Variants in DNAJB2 observed in about 807,000 individuals in gnomAD.
DNAJB2 encodes dnaJ homolog subfamily B member 2.
DNAJB2 carries 19 observed loss-of-function variants against 33.3 expected under a neutral mutation model. The ratio of observed to expected loss-of-function variants is 0.57; its 90% CI spans 0.40 to 0.84. The LOEUF is 0.84. Ranked by LOEUF, DNAJB2 falls within the 40% of genes least tolerant of loss-of-function variation. DNAJB2 has a pLI of 0.00. For synonymous variants in DNAJB2, 172 were observed against 164.6 expected, an observed-to-expected ratio of 1.04 and a Z score of -0.34; for missense variants, 368 against 430.9, an observed-to-expected ratio of 0.85 and a Z score of 1.29.
intron 3 of DNAJB2, chr2:219,281,477 C>G: frequency 3.5e-6 from 2 of 571,854 alleles, no homozygotes; most frequent in South Asian, 4.3e-5. Flanking sequence ...TTGATCTGTG[C>G]AACAACCCTG....
In DNAJB2 at chr2:219,280,682, C is replaced by G. The variant is rs761058767; in HGVS notation, c.170C>G (p.Ser57Cys). 1.4e-5 allele frequency: 23 copies of G among 1,612,330 alleles called. No homozygotes were observed. The highest frequency in any genetic ancestry group is 1.9e-5 in the Non-Finnish European group (22 of 1,178,604). The change falls in exon 3 of 9, where the codon TCT (serine) becomes TGT (cysteine). Residue 57 changes from serine (S) to cysteine (C), a missense_variant. By Grantham distance (112) the Ser-to-Cys change is moderately radical (BLOSUM62 -1). Transcript: ENST00000336576. ...GTGGCCGAGGCATATGAAGTGCTGTCTGACAGTAAGGGCCGGGGTCAGGCA... is the reference window on the plus strand; with the variant it reads ...GTGGCCGAGGCATATGAAGTGCTGTGTGACAGTAAGGGCCGGGGTCAGGCA... ...KEVAEAYEVL[S>C]DKHKREIYDR...
chr2:219,283,247 T>A lies in DNAJB2; in HGVS notation c.548+12T>A. The A allele has an allele frequency of 6.2e-7, 1 of 1,614,162 alleles. No homozygotes were observed. The highest frequency in any genetic ancestry group is 8.5e-7 in the Non-Finnish European group (1 of 1,179,980). ...ATCACCACACGCAGGTGAGAGCTCCTTCTGGGGCCATAGAGGGGTGAGAGG... is the reference window on the plus strand; with the variant it reads ...ATCACCACACGCAGGTGAGAGCTCCATCTGGGGCCATAGAGGGGTGAGAGG... On this transcript the variant is annotated intron_variant, in intron 7 of 8. Coordinates refer to ENST00000336576, the MANE Select transcript of DNAJB2 (RefSeq NM_006736.6).
chr2:219,282,562 C>A, intron 5 of DNAJB2: 1 of 401,246 alleles, frequency 2.5e-6, no homozygotes, highest in Non-Finnish European at 4.4e-6. Context: ...TGCCTGTCAT[C>A]GCGTCATGAT....
At position 219,285,765 on chromosome 2, in the gene DNAJB2, G is replaced by T; in HGVS notation, c.*778G>T. 7.5e-7 allele frequency: 1 copy of T among 1,337,838 alleles called. No homozygotes were observed. The highest frequency in any genetic ancestry group is 9.6e-7 in the Non-Finnish European group (1 of 1,039,472). 82.9% of individuals were successfully genotyped at this position (1,337,838 alleles called of 1,614,324 possible). ...TGCCTCAGCCTGCCCTCACCCTCAG[G>T]ACTAGGCAGAGGTGAGGCTGGCTCA... is the stretch of plus-strand genomic sequence containing the variant. On this transcript the variant is annotated 3_prime_UTR_variant, in exon 9 of 9. Coordinates refer to ENST00000336576, the MANE Select transcript of DNAJB2 (RefSeq NM_006736.6).
intron 5 of DNAJB2, chr2:219,282,423 A>C: frequency 5.7e-6 from 2 of 353,920 alleles, no homozygotes; most frequent in East Asian, 6.1e-5. Flanking sequence ...AATATTTTAC[A>C]TTTCGTAAGT....
chr2:219,285,980 TC>T lies in DNAJB2; in HGVS notation c.*997del. The T allele has an allele frequency of 6.2e-7, 1 of 1,612,498 alleles. No homozygotes were observed. ...CTCCTGTCACCCCGCCCCTGCTCTC[TC>T]CCCAGATGTGTTCTGAGCTGGATGC... On this transcript the variant is annotated 3_prime_UTR_variant, in exon 9 of 9. Coordinates refer to ENST00000336576, the MANE Select transcript of DNAJB2 (RefSeq NM_006736.6).
chr2:219,283,480 A>G lies in DNAJB2; in HGVS notation c.610A>G (p.Thr204Ala). The G allele has an allele frequency of 1.2e-6, 2 of 1,613,894 alleles. No homozygotes were observed. The highest frequency in any genetic ancestry group is 1.7e-6 in the Non-Finnish European group (2 of 1,179,900). ...GGAGGATGGGCAGCTGAAGTCAGTC[A>G]CAATCAATGGTGAGGAGCAGCTCCC... ...VEEDGQLKSVTINGVPDDLAL... is the reference protein window; with the variant it reads ...VEEDGQLKSVAINGVPDDLAL... Residue 204 changes from threonine (T) to alanine (A), a missense_variant, in exon 8 of 9, where the codon ACA becomes GCA. By Grantham distance (58) the Thr-to-Ala change is moderately conservative. Transcript: ENST00000336576.
At position 219,284,898 on chromosome 2, in the gene DNAJB2, T is replaced by G; in HGVS notation, c.886T>G (p.Leu296Val). 11 of 1,604,184 alleles carry G rather than the reference T, an allele frequency of 6.9e-6. No individual in the cohort carries two copies. The highest frequency in any genetic ancestry group is 9.4e-6 in the Non-Finnish European group (11 of 1,173,446). ...RPKAQHQDPG[L>V]GGTQEGARGE... ...CAAGGCCCAGCACCAAGATCCAGGC[T>G]TGGGGGGGACCCAGGAGGGTGCGAG... is the stretch of plus-strand genomic sequence containing the variant. Residue 296 changes from leucine (L) to valine (V), a missense_variant, in exon 9 of 9, where the codon TTG becomes GTG. By Grantham distance (32) the Leu-to-Val change is conservative. Coordinates refer to ENST00000336576, the MANE Select transcript of DNAJB2 (RefSeq NM_006736.6).
At position 219,282,846 on chromosome 2, in the gene DNAJB2, G is replaced by A. The variant is rs1337064366; in HGVS notation, c.362G>A (p.Gly121Asp). ...DPFAELFDDL[G>D]PFSELQNRGS... The stretch of plus-strand genomic sequence containing the variant: ...TGTTTACTTGTTGCAGATGACCTGG[G>A]CCCCTTCTCAGAGCTTCAGAACCGG... The change falls in exon 6 of 9, where the codon GGC becomes GAC. Residue 121 changes from glycine to aspartate, a missense_variant. Physicochemically the swap from Gly to Asp is moderately conservative, Grantham distance 94 (BLOSUM62 -1). Coordinates refer to ENST00000336576, the MANE Select transcript of DNAJB2 (RefSeq NM_006736.6). 1.3e-6 allele frequency: 2 copies of A among 1,587,356 alleles called. No individual in the cohort carries two copies. The highest frequency in any genetic ancestry group is 4.5e-5 in the East Asian group (2 of 44,804).
intron 3 of DNAJB2, chr2:219,281,478 A>G: frequency 3.5e-6 from 2 of 574,492 alleles, no homozygotes; most frequent in Non-Finnish European, 6.2e-6. Context: ...TGATCTGTGC[A>G]ACAACCCTGT....
chr2:219,283,380 T>C, intron 7 of DNAJB2, 39 bp from the exon 8 acceptor site: 1 of 1,611,364 alleles, frequency 6.2e-7, no homozygotes, highest in Non-Finnish European at 8.5e-7. Context: ...TGCAGGATTC[T>C]GTCACTGCTC....
rs2125081839 is a variant in DNAJB2 at position 219,280,692 on chromosome 2, G to A, written c.175+5G>A. The A allele has an allele frequency of 6.2e-7, 1 of 1,607,266 alleles. No homozygotes were observed. The highest frequency in any genetic ancestry group is 8.5e-7 in the Non-Finnish European group (1 of 1,174,038). ...CATATGAAGTGCTGTCTGACAGTAAGGGCCGGGGTCAGGCAGGACCCAGCA... is the reference window on the plus strand; with the variant it reads ...CATATGAAGTGCTGTCTGACAGTAAAGGCCGGGGTCAGGCAGGACCCAGCA... On this transcript the variant is annotated splice_donor_5th_base_variant and intron_variant, in intron 3 of 8. Coordinates refer to ENST00000336576, the MANE Select transcript of DNAJB2 (RefSeq NM_006736.6).
Position 219,279,730 on chromosome 2 carries a change from GAGGGGGACTGCTGCAGCCAC to G in DNAJB2, c.-36-63_-36-44del. 3.0e-6 allele frequency: 4 copies of G among 1,335,976 alleles called. No homozygotes were observed. Among genetic ancestry groups the G allele is most frequent in the Non-Finnish European group, 4.2e-6 (4 of 960,040 alleles). The allele number at this position is 1,335,976 out of a possible 1,614,324, so 82.8% of individuals were successfully genotyped here. A position where few individuals can be genotyped will look rare whatever the true frequency, so the allele number is the denominator to read the frequency against. ...CTGGGAGCGCCTTCCGCCACCCGGG[GAGGGGGACTGCTGCAGCCAC>G]AGGGTGGGGCTCTTGGTTCTTTCCG... On this transcript the variant is annotated intron_variant, in intron 1 of 8. Transcript: ENST00000336576. The surrounding 1 kb of genome is among the most constrained non-coding windows in gnomAD (Gnocchi z 4.9).
intron 5 of DNAJB2, chr2:219,282,620 CTCCT>C: frequency 2.1e-6 from 1 of 478,288 alleles, no homozygotes; most frequent in Admixed American, 3.9e-5. Context: ...CCTCTTCCCC[CTCCT>C]TCCTTCCTTT....
At chr2:219,280,767 T>C in intron 3 of DNAJB2, 80 bp downstream of exon 3, 1 of 1,048,506 alleles carries the variant, frequency 9.5e-7, no homozygotes, top group Non-Finnish European at 1.4e-6. Flanking sequence ...AAGCAATGTC[T>C]CTGCCACCTA....
chr2:219,281,802 G>C lies in DNAJB2; in HGVS notation c.229+31G>C, dbSNP rs1951906986. On this transcript the variant is annotated intron_variant, in intron 4 of 8. Transcript: ENST00000336576. ...TGGAGTGGTGAGGCCCAGGAATGGA[G>C]GTGGGGCAGGGAGGAGAGGGGCAGG... 3.7e-6 allele frequency: 6 copies of C among 1,613,824 alleles called. No individual in the cohort carries two copies. In the South Asian group the frequency reaches 6.6e-5, roughly 18 times the overall value.
chr2:219,279,704 A>C lies in DNAJB2; in HGVS notation c.-36-94A>C. ...CAGAGCCCGGTGTGCTCCGCTTCCA[A>C]CTGGGAGCGCCTTCCGCCACCCGGG... On this transcript the variant is annotated intron_variant, in intron 1 of 8. Transcript: ENST00000336576. The surrounding 1 kb of genome is among the most constrained non-coding windows in gnomAD (Gnocchi z 4.9). 2 of 970,326 alleles carry C rather than the reference A, an allele frequency of 2.1e-6. No homozygotes were observed. The highest frequency in any genetic ancestry group is 3.0e-5 in the South Asian group (2 of 66,154). 60.1% of individuals were successfully genotyped at this position (970,326 alleles called of 1,614,324 possible). A position where few individuals can be genotyped will look rare whatever the true frequency, so the allele number is the denominator to read the frequency against.
intron 5 of DNAJB2, 88 bp from the exon 6 acceptor site, chr2:219,282,749 A>T: frequency 7.9e-7 from 1 of 1,267,854 alleles, no homozygotes; most frequent in Non-Finnish European, 1.1e-6. Flanking sequence ...CCAGTTGCTT[A>T]GTGGTTTATA....
In DNAJB2 at chr2:219,285,970, C is replaced by T. The variant is rs1357738441; in HGVS notation, c.*983C>T. The T allele has an allele frequency of 6.2e-7, 1 of 1,612,182 alleles. No individual in the cohort carries two copies. The highest frequency in any genetic ancestry group is 1.7e-5 in the Admixed American group (1 of 59,990). On this transcript the variant is annotated 3_prime_UTR_variant, in exon 9 of 9. Coordinates refer to ENST00000336576, the MANE Select transcript of DNAJB2 (RefSeq NM_006736.6). ...CTGACGCTCTCTCCTGTCACCCCGC[C>T]CCTGCTCTCTCCCCAGATGTGTTCT...
Sources: gnomAD v4.1 joint callset for allele counts on GRCh38, gnomAD v4.1.1 for gene constraint, Gnocchi (gnomAD v3.1) non-coding constraint, MANE v1.5 for transcripts, NCBI Gene and HGNC (gene_info 2026-07-23, HGNC 2026-07-21) for gene names.